TIAM1: variants seen among roughly 807,000 people sequenced by gnomAD.
TIAM1 encodes rho guanine nucleotide exchange factor TIAM1.
Under a neutral mutation model 163.5 loss-of-function variants are expected in TIAM1, and 65 were observed. That is an observed-to-expected ratio of 0.40 (90% CI 0.33 to 0.49). The LOEUF is 0.49. Ranked by LOEUF, TIAM1 falls within the 20% of genes least tolerant of loss-of-function variation. The pLI is 0.77. For synonymous variants in TIAM1, 833 were observed against 810.1 expected (o/e 1.03, Z -0.48); for missense variants, 1,789 against 2,044.7 (o/e 0.87, Z 2.41).
chr21:31,439,304 G>A (rs937100930), intron 2 of TIAM1, among the ~76,000 whole-genome samples: 4 of 152,156 alleles, frequency 2.6e-5, no homozygotes, highest in Non-Finnish European at 5.9e-5. Context: ...TCGTCTGTTT[G>A]TTTGAGATGG....
At chr21:31,135,411 C>A (rs888258921) in intron 23 of TIAM1, among the ~76,000 whole-genome samples, 1 of 152,144 alleles carries the variant, frequency 6.6e-6, no homozygotes, top group Non-Finnish European at 1.5e-5. Context: ...AGTGGCAATG[C>A]GATTGGGATG....
chr21:31,292,085 A>G (rs567020254), intron 2 of TIAM1, among the ~76,000 whole-genome samples: 27 of 152,342 alleles, frequency 1.8e-4, no homozygotes, highest in African/African-American at 6.3e-4. Flanking sequence ...CATTCACTGC[A>G]TCTGTGACCT....
chr21:31,512,872 G>A (rs974711481), intron 1 of TIAM1, among the ~76,000 whole-genome samples: 4 of 151,874 alleles, frequency 2.6e-5, no homozygotes, highest in African/African-American at 7.3e-5. Context: ...TCAGACTCCT[G>A]AGCTCAAGTG....
intron 13 of TIAM1, 60 bp downstream of exon 13, chr21:31,195,164 A>G: frequency 7.3e-7 from 1 of 1,375,780 alleles, no homozygotes; most frequent in Non-Finnish European, 1.0e-6. Context: ...CTGTAAATAA[A>G]TGCATGCTTA....
At chr21:31,229,497 C>A (rs1199407154) in intron 6 of TIAM1, among the ~76,000 whole-genome samples, 1 of 152,118 alleles carries the variant, frequency 6.6e-6, no homozygotes, top group Non-Finnish European at 1.5e-5. Context: ...CAAAAAGCTT[C>A]ACCCTTCTCC....
intron 15 of TIAM1, among the ~76,000 whole-genome samples, chr21:31,173,476 C>T (rs1462459450): frequency 6.6e-6 from 1 of 151,670 alleles, no homozygotes; most frequent in Non-Finnish European, 1.5e-5. Flanking sequence ...AGCATAAACA[C>T]TCACCCCTCC....
chr21:31,201,463 G>T (rs1024341261), intron 12 of TIAM1, among the ~76,000 whole-genome samples: 2 of 152,186 alleles, frequency 1.3e-5, no homozygotes, highest in Non-Finnish European at 2.9e-5. Flanking sequence ...AGCCCTTAAA[G>T]GGGCACAAGG....
intron 1 of TIAM1, among the ~76,000 whole-genome samples, chr21:31,555,399 A>G (rs2048840642): frequency 6.6e-6 from 1 of 152,176 alleles, no homozygotes; most frequent in African/African-American, 2.4e-5. Flanking sequence ...AAGAAAATGT[A>G]CATGTAAATA....
intron 1 of TIAM1, among the ~76,000 whole-genome samples, chr21:31,513,454 C>A (rs562395382): frequency 6.6e-6 from 1 of 152,256 alleles, no homozygotes; most frequent in Admixed American, 6.5e-5. Context: ...TCAATGCTAC[C>A]ATGTTGTGAA....
At chr21:31,487,177 G>A (rs2046299805) in intron 1 of TIAM1, among the ~76,000 whole-genome samples, 1 of 152,088 alleles carries the variant, frequency 6.6e-6, no homozygotes, top group African/African-American at 2.4e-5. Context: ...TTTCCGACAG[G>A]GCACATTTGA....
At chr21:31,454,119 C>T (rs2044993936) in intron 2 of TIAM1, among the ~76,000 whole-genome samples, 1 of 152,216 alleles carries the variant, frequency 6.6e-6, no homozygotes, top group Non-Finnish European at 1.5e-5. Flanking sequence ...TTCTGCCATG[C>T]TCTAAGATTT....
At chr21:31,477,466 C>A (rs1456718775) in intron 1 of TIAM1, among the ~76,000 whole-genome samples, 1 of 137,024 alleles carries the variant, frequency 7.3e-6, no homozygotes, top group Non-Finnish European at 1.5e-5. Context: ...GGAAAGGGAA[C>A]TAAATGCATT....
At chr21:31,363,413 T>G (rs1001109445) in intron 2 of TIAM1, among the ~76,000 whole-genome samples, 2 of 149,500 alleles carry the variant, frequency 1.3e-5, no homozygotes, top group Admixed American at 6.7e-5. Context: ...CGGGATTTTG[T>G]TTTTTTTTCT....
Position 31,213,454 on chromosome 21 carries a change from C to T in TIAM1, c.2161G>A (p.Glu721Lys), listed in dbSNP as rs746654929. The T allele has an allele frequency of 1.5e-5, 24 of 1,613,756 alleles. No individual in the cohort carries two copies. The highest frequency in any genetic ancestry group is 1.7e-5 in the Admixed American group (1 of 59,918). ...CCCTCTAAAGATTTCTTTACAGCTT[C>T]GGTTCCCTCTCCAAACACCTGCATA... ...SINQVFGEGT[E>K]AVKKSLEGIF... Residue 721 changes from glutamate to lysine, a missense_variant, in exon 10 of 28, where the codon GAA becomes AAA. Glu to Lys is a moderately conservative substitution (Grantham distance 56). Around this residue, in one of 5 missense-constraint regions of TIAM1, gnomAD observed 456 missense variants for 586.6 expected, o/e 0.78. Coordinates refer to ENST00000541036, the MANE Select transcript of TIAM1 (RefSeq NM_001353694.2).
chr21:31,431,781 C>CA (rs1300272473), intron 2 of TIAM1, among the ~76,000 whole-genome samples: 1 of 152,084 alleles, frequency 6.6e-6, no homozygotes, highest in Non-Finnish European at 1.5e-5. Flanking sequence ...AACAGTAATA[C>CA]AATGGTATTC....
At position 31,120,448 on chromosome 21, in the gene TIAM1, G is replaced by A; in HGVS notation, c.4696C>T (p.Leu1566=). Residue 1566 remains leucine (L), a synonymous_variant, in exon 28 of 28, where the codon CTG becomes TTG. Coordinates refer to ENST00000541036, the MANE Select transcript of TIAM1 (RefSeq NM_001353694.2). This position sits in a 1 kb window ranked among gnomAD's most constrained non-coding sequence, Gnocchi z 4.2. The part of the protein sequence containing the change: ...QAALSGINGG[L]ESASEEVIWV... ...ATGACTTCCTCGCTTGCGCTCTCCA[G>A]GCCTCCATTGATCCCCGACAGGGCA... 6.2e-7 allele frequency: 1 copy of A among 1,614,220 alleles called. No individual in the cohort carries two copies. The highest frequency in any genetic ancestry group is 8.5e-7 in the Non-Finnish European group (1 of 1,180,048).
chr21:31,376,953 G>A (rs993550742), intron 2 of TIAM1, among the ~76,000 whole-genome samples: 8 of 151,732 alleles, frequency 5.3e-5, no homozygotes, highest in Non-Finnish European at 1.0e-4. Flanking sequence ...CTGCCTCCCG[G>A]GTTCAAGCAA....
At chr21:31,169,775 A>G (rs1340790005) in intron 15 of TIAM1, among the ~76,000 whole-genome samples, 2 of 152,164 alleles carry the variant, frequency 1.3e-5, no homozygotes, top group African/African-American at 4.8e-5. Context: ...GGGGGCAAAA[A>G]AAAAAATACA....
chr21:31,430,225 AATATATAT>A lies in TIAM1; in HGVS notation c.-369+33750_-369+33757del, dbSNP rs35708801. On this transcript the variant is annotated intron_variant, in intron 2 of 28. Coordinates refer to the TIAM1 transcript ENST00000286827. ...CCATCTCAAAGAAAAAAAAAAAAAA[AATATATAT>A]ATATATATATATATACACACACACA... Among the ~76,000 whole-genome samples, 249 of 90,250 alleles carry A rather than the reference AATATATAT, an allele frequency of 2.8e-3. 4 individuals are homozygous for A. The highest frequency in any genetic ancestry group is 0.014 in the African/African-American group (241 of 17,344). 59.2% of individuals were successfully genotyped at this position (90,250 alleles called of 152,430 possible).
Sources: gnomAD v4.1 joint callset for allele counts (sites outside exome capture counted in the v4.1 genomes callset) on GRCh38, gnomAD v4.1.1 for gene constraint, gnomAD v4.1.1 regional missense constraint, Gnocchi (gnomAD v3.1) non-coding constraint, MANE v1.5 for transcripts, NCBI Gene and HGNC (gene_info 2026-07-23, HGNC 2026-07-21) for gene names.